Variants in SMOC2 observed in about 807,000 individuals in gnomAD.
SMOC2 encodes SPARC related modular calcium binding 2.
In SMOC2, 39 loss-of-function variants were observed where a neutral mutation model predicts 61.4. The observed-to-expected ratio is 0.64, with a 90% confidence interval of 0.49 to 0.83. SMOC2 has a LOEUF of 0.83. Among genes scored for constraint, SMOC2 ranks in the 40% least tolerant of loss-of-function variants. SMOC2 has a pLI of 0.00. For missense variants in SMOC2, 556 were observed against 592.9 expected, an observed-to-expected ratio of 0.94 and a Z score of 0.65; for synonymous variants, 247 against 239.9, an observed-to-expected ratio of 1.03 and a Z score of -0.27.
intron 1 of SMOC2, among the ~76,000 whole-genome samples, chr6:168,473,434 C>T (rs542839426): frequency 1.3e-5 from 2 of 152,234 alleles, no homozygotes; most frequent in South Asian, 2.1e-4. Flanking sequence ...GTCTTACCTG[C>T]CACCTGTGTG....
At chr6:168,449,621 A>G (rs1353245529) in intron 1 of SMOC2, among the ~76,000 whole-genome samples, 1 of 152,172 alleles carries the variant, frequency 6.6e-6, no homozygotes, top group African/African-American at 2.4e-5. Flanking sequence ...CCTTGGAAAA[A>G]AGAAGTTAGT....
At chr6:168,642,669 G>C (rs6907375) in intron 9 of SMOC2, among the ~76,000 whole-genome samples, 1 of 152,204 alleles carries the variant, frequency 6.6e-6, no homozygotes, top group Admixed American at 6.5e-5. Context: ...TGAGGATGAC[G>C]CGCTGACCAG....
At chr6:168,466,648 C>T (rs1043523499) in intron 1 of SMOC2, among the ~76,000 whole-genome samples, 5 of 152,222 alleles carry the variant, frequency 3.3e-5, no homozygotes, top group East Asian at 1.9e-4. Flanking sequence ...TTTGTGCATG[C>T]GCTTTGTCTG....
chr6:168,609,758 C>T (rs1459741304), intron 9 of SMOC2, among the ~76,000 whole-genome samples: 1 of 152,220 alleles, frequency 6.6e-6, no homozygotes, highest in Non-Finnish European at 1.5e-5. Context: ...TTGTCACGTG[C>T]ACTTCAATCT....
At chr6:168,573,661 C>T (rs1370724810) in intron 7 of SMOC2, among the ~76,000 whole-genome samples, 2 of 152,098 alleles carry the variant, frequency 1.3e-5, no homozygotes, top group Admixed American at 1.3e-4. Context: ...CTGGGAACTC[C>T]GTGGCCCCTG....
chr6:168,466,546 TGAG>T (rs1387224897), intron 1 of SMOC2, among the ~76,000 whole-genome samples: 3 of 152,348 alleles, frequency 2.0e-5, no homozygotes, highest in South Asian at 4.1e-4. Context: ...GATCAGGAGA[TGAG>T]GAGGTCACTT....
chr6:168,454,597 G>A (rs912656473), intron 1 of SMOC2, among the ~76,000 whole-genome samples: 71 of 152,156 alleles, frequency 4.7e-4, no homozygotes, highest in African/African-American at 1.6e-3. Context: ...CAGGTAGACC[G>A]TTTGCCCTTC....
intron 9 of SMOC2, among the ~76,000 whole-genome samples, chr6:168,648,915 C>T (rs1346717988): frequency 1.3e-5 from 2 of 152,208 alleles, no homozygotes; most frequent in African/African-American, 2.4e-5. Flanking sequence ...GGTCTCCGAA[C>T]GACTTGGCTG....
In SMOC2 at chr6:168,595,604, C is replaced by G. The variant is rs148929824; in HGVS notation, c.638-3214C>G. Among the ~76,000 whole-genome samples the G allele has an allele frequency of 5.4e-3, 828 of 152,242 alleles. 7 individuals carry two copies. The highest frequency in any genetic ancestry group is 0.019 in the African/African-American group (780 of 41,560). ...TCTTCTGCCTCCACTGTGGCCCTTA[C>G]TAAAAGAAAATGGAATTGCATTTCT... On this transcript the variant is annotated intron_variant, in intron 7 of 12. Coordinates refer to ENST00000356284, the MANE Select transcript of SMOC2 (RefSeq NM_001166412.2).
At chr6:168,563,429 G>A (rs1248589922) in intron 7 of SMOC2, among the ~76,000 whole-genome samples, 3 of 151,912 alleles carry the variant, frequency 2.0e-5, no homozygotes, top group African/African-American at 4.8e-5. Context: ...ACACACACAC[G>A]TACATAGATA....
rs773613677 is a variant in SMOC2 at position 168,506,277 on chromosome 6, C to T, written c.85-3638C>T. ...TCTCAAACTCCTGGCCTCAGCAGAT[C>T]CTTCCATCTTGGCCTCCCAAAGCTC... On this transcript the variant is annotated intron_variant, in intron 1 of 12. Transcript: ENST00000356284. Among the ~76,000 whole-genome samples, 249 of 152,270 alleles carry T rather than the reference C, an allele frequency of 1.6e-3. 1 individual carries two copies. Among genetic ancestry groups the T allele is most frequent in the Middle Eastern group, 6.8e-3 (2 of 294 alleles).
At position 168,475,653 on chromosome 6, in the gene SMOC2, G is replaced by A. The variant is rs1458231190; in HGVS notation, c.84+34199G>A. 6.6e-6 allele frequency among the ~76,000 whole-genome samples: 1 copy of A among 152,118 alleles called. No individual in the cohort carries two copies. The highest frequency in any genetic ancestry group is 1.9e-4 in the East Asian group (1 of 5,194). On this transcript the variant is annotated intron_variant, in intron 1 of 12. Coordinates refer to ENST00000356284, the MANE Select transcript of SMOC2 (RefSeq NM_001166412.2). This position sits in a 1 kb window ranked among gnomAD's most constrained non-coding sequence, Gnocchi z 4.6. ...AGAGCGGGGACAGAGGACGAGAACT[G>A]AGACCTGCTTCCCACGCGTCTGTGG... is the stretch of plus-strand genomic sequence containing the variant.
In SMOC2 at chr6:168,535,952, G is replaced by A. The variant is rs1021393929; in HGVS notation, c.464-7673G>A. Among the ~76,000 whole-genome samples, 2 of 152,254 alleles carry A rather than the reference G, an allele frequency of 1.3e-5. No homozygotes were observed. Among genetic ancestry groups the A allele is most frequent in the Non-Finnish European group, 1.5e-5 (1 of 68,050 alleles). On this transcript the variant is annotated intron_variant, in intron 4 of 12. Coordinates refer to ENST00000356284, the MANE Select transcript of SMOC2 (RefSeq NM_001166412.2). The surrounding 1 kb of genome is among the most constrained non-coding windows in gnomAD (Gnocchi z 4.6). ...GGGACACGTGAGGAATAACGCAGCA[G>A]CCATGCAGCTTCACGGCACAGGGGC...
chr6:168,549,265 G>GTT, intron 7 of SMOC2, 62 bp downstream of exon 7: 4 of 1,474,980 alleles, frequency 2.7e-6, no homozygotes, highest in Non-Finnish European at 3.8e-6. Flanking sequence ...AAATGATGGG[G>GTT]TTTTTTTTTG....
intron 8 of SMOC2, among the ~76,000 whole-genome samples, chr6:168,605,612 A>G (rs1177587380): frequency 6.6e-6 from 1 of 152,006 alleles, no homozygotes; most frequent in East Asian, 1.9e-4. Flanking sequence ...TTTGCAACAT[A>G]CCTCTATCCC....
At chr6:168,613,565 G>A (rs1448116562) in intron 9 of SMOC2, among the ~76,000 whole-genome samples, 2 of 152,130 alleles carry the variant, frequency 1.3e-5, no homozygotes, top group Non-Finnish European at 1.5e-5. Flanking sequence ...CTTCATGAAT[G>A]GTCAAGGCCT....
chr6:168,565,339 C>T (rs1274345629), intron 7 of SMOC2, among the ~76,000 whole-genome samples: 1 of 152,186 alleles, frequency 6.6e-6, no homozygotes, highest in Non-Finnish European at 1.5e-5. Flanking sequence ...CAGGGCTGGC[C>T]TGGTGAGGGC....
At chr6:168,618,197 C>T (rs554828190) in intron 9 of SMOC2, among the ~76,000 whole-genome samples, 3 of 152,366 alleles carry the variant, frequency 2.0e-5, no homozygotes, top group South Asian at 2.1e-4. Flanking sequence ...AATTTTTAAA[C>T]GCGAGGCCTC....
intron 1 of SMOC2, among the ~76,000 whole-genome samples, chr6:168,480,259 A>G (rs1329650863): frequency 1.3e-5 from 2 of 152,194 alleles, no homozygotes; most frequent in South Asian, 2.1e-4. Flanking sequence ...AAGGAAGAAA[A>G]TGAATCAACA....
Sources: allele counts gnomAD v4.1 joint callset (sites outside exome capture counted in the v4.1 genomes callset), GRCh38; gene constraint gnomAD v4.1.1; non-coding constraint Gnocchi (gnomAD v3.1); transcripts MANE v1.5; gene names NCBI Gene and HGNC (gene_info 2026-07-23, HGNC 2026-07-21).